ABHD4: variants seen among roughly 807,000 people sequenced by gnomAD.
ABHD4 encodes abhydrolase domain containing 4, N-acyl phospholipase B.
ABHD4 carries 35 observed loss-of-function variants against 42.3 expected under a neutral mutation model. The observed-to-expected ratio is 0.83, with a 90% CI of 0.63 to 1.10. The LOEUF is 1.10. Among genes scored for constraint, ABHD4 ranks in the 50% least tolerant of loss-of-function variants. The pLI is 0.00. For synonymous variants in ABHD4, 169 were observed against 170.6 expected, an observed-to-expected ratio of 0.99 and a Z score of 0.07; for missense variants, 389 against 454.8, an observed-to-expected ratio of 0.86 and a Z score of 1.32.
intron 1 of ABHD4, among the ~76,000 whole-genome samples, chr14:22,601,070 A>G (rs938596873): frequency 2.6e-5 from 4 of 152,210 alleles, no homozygotes; most frequent in Non-Finnish European, 5.9e-5. Context: ...GAACCATAAC[A>G]GAACTTGAAT....
In ABHD4 at chr14:22,604,062, G is replaced by C. The variant is rs368142560; in HGVS notation, c.623G>C (p.Arg208Pro). Residue 208 changes from arginine (R) to proline (P), a missense_variant, in exon 4 of 7, where the codon CGA becomes CCA. Arg to Pro is a moderately radical substitution (Grantham distance 103). This residue lies in a region of ABHD4 where 249 missense variants were observed against 254.4 expected (regional missense o/e 0.98). Transcript: ENST00000428304. ...CGTTCCAATCCATTGGCTGTTCTTC[G>C]AGTAGCTGGGCCCTGGGGTGAGTAG... ...LGRSNPLAVL[R>P]VAGPWGPGLV... 1.7e-5 allele frequency: 27 copies of C among 1,614,166 alleles called. No individual in the cohort carries two copies. The highest frequency in any genetic ancestry group is 2.3e-5 in the Non-Finnish European group (27 of 1,180,030).
intron 2 of ABHD4, 57 bp downstream of exon 2, chr14:22,601,812 G>A: frequency 2.0e-6 from 3 of 1,488,360 alleles, no homozygotes; most frequent in Non-Finnish European, 2.8e-6. Flanking sequence ...AAGGATTCAG[G>A]ATCTTCCCAG....
intron 1 of ABHD4, 151 bp downstream of exon 1, chr14:22,598,480 T>G: frequency 6.5e-7 from 1 of 1,531,526 alleles, no homozygotes; most frequent in Non-Finnish European, 8.8e-7. Flanking sequence ...GGTGCGTTGC[T>G]TGCTTTGCAT....
rs761505019 is a variant in ABHD4 at position 22,603,968 on chromosome 14, C to T, written c.529C>T (p.Arg177Ter). 3.3e-5 allele frequency: 54 copies of T among 1,614,102 alleles called. No individual in the cohort carries two copies. Among genetic ancestry groups the T allele is most frequent in the East Asian group, 1.6e-4 (7 of 44,880 alleles). Reference sequence around the variant, plus strand: ...GGTGGACCCATGGGGCTTTCCCCTCCGACCAACTAACCCCAGTGAGATCCG... The same window carrying T: ...GGTGGACCCATGGGGCTTTCCCCTCTGACCAACTAACCCCAGTGAGATCCG... ...ILVDPWGFPL[R>*]PTNPSEIRAP... Residue 177 changes from arginine to a stop codon, truncating the protein, a stop_gained, in exon 4 of 7, where the codon CGA (arginine) becomes TGA (stop). Coordinates refer to ENST00000428304, the MANE Select transcript of ABHD4 (RefSeq NM_022060.3). LOFTEE classifies it high-confidence loss of function.
chr14:22,600,058 T>C (rs1447701660), intron 1 of ABHD4: 2 of 365,764 alleles, frequency 5.5e-6, no homozygotes, highest in East Asian at 8.2e-5. Flanking sequence ...CTAGGCAATA[T>C]TCTATGTGCT....
intron 2 of ABHD4, 97 bp from the exon 3 acceptor site, chr14:22,603,293 C>A: frequency 6.7e-7 from 1 of 1,488,394 alleles, no homozygotes; most frequent in African/African-American, 1.4e-5. Flanking sequence ...GGGGAGGGTT[C>A]GGGAATGGAG....
intron 4 of ABHD4, 61 bp downstream of exon 4, chr14:22,604,140 T>A (rs914885556): frequency 6.4e-7 from 1 of 1,567,246 alleles, no homozygotes; most frequent in African/African-American, 1.4e-5. Flanking sequence ...GCCCACAGTG[T>A]CTTTCCCACT....
rs745748171 is a variant in ABHD4, at chr14:22,606,495, A to G, written c.714A>G (p.Ile238Met). The G allele has an allele frequency of 6.2e-7, 1 of 1,613,498 alleles. No homozygotes were observed. Residue 238 changes from isoleucine to methionine, a missense_variant, in exon 5 of 7, where the codon ATA becomes ATG. By Grantham distance (10) the Ile-to-Met change is conservative (BLOSUM62 1). Coordinates refer to ENST00000428304, the MANE Select transcript of ABHD4 (RefSeq NM_022060.3). ...KFADFFEDDT[I>M]SEYIYHCNAQ... ...CAGACTTCTTTGAAGATGATACCAT[A>G]TCAGAGTATATTTACCACTGCAACG... is the stretch of plus-strand genomic sequence containing the variant.
At position 22,612,767 on chromosome 14, in the gene ABHD4, C is replaced by T. The variant is rs557262798; in HGVS notation, c.*1819C>T. The T allele has an allele frequency of 6.6e-6, 1 of 152,344 alleles. No homozygotes were observed. Among genetic ancestry groups the T allele is most frequent in the African/African-American group, 2.4e-5 (1 of 41,582 alleles). 9.4% of individuals were successfully genotyped at this position (152,344 alleles called of 1,614,324 possible). A position where few individuals can be genotyped will look rare whatever the true frequency, so the allele number is the denominator to read the frequency against. ...ATATTCCTTATGCAGAGATGCCTTC[C>T]CCTGATTCCCTAAACTAGACTCGGA... is the stretch of plus-strand genomic sequence containing the variant. On this transcript the variant is annotated 3_prime_UTR_variant, in exon 7 of 7. Coordinates refer to ENST00000428304, the MANE Select transcript of ABHD4 (RefSeq NM_022060.3).
At position 22,603,479 on chromosome 14, in the gene ABHD4, C is replaced by A; in HGVS notation, c.202C>A (p.Arg68Ser). The change falls in exon 3 of 7, where the codon CGC becomes AGC. Residue 68 changes from arginine to serine, a missense_variant. This residue lies in a region of ABHD4 where 102 missense variants were observed against 128.3 expected (regional missense o/e 0.80). Coordinates refer to ENST00000428304, the MANE Select transcript of ABHD4 (RefSeq NM_022060.3). ...TVTVSPEQNDRTPLVMVHGFG... is the reference protein window; with the variant it reads ...TVTVSPEQNDSTPLVMVHGFG... ...GACTGTGAGCCCCGAGCAAAACGACCGCACCCCCTTGGTGATGGTGCATGG... is the reference window on the plus strand; with the variant it reads ...GACTGTGAGCCCCGAGCAAAACGACAGCACCCCCTTGGTGATGGTGCATGG... The A allele has an allele frequency of 1.2e-6, 2 of 1,614,124 alleles. No homozygotes were observed. Among genetic ancestry groups the A allele is most frequent in the Non-Finnish European group, 1.7e-6 (2 of 1,180,018 alleles).
At chr14:22,610,741 T>C in intron 6 of ABHD4, 118 bp from the exon 7 acceptor site, 1 of 752,538 alleles carries the variant, frequency 1.3e-6, no homozygotes, top group Non-Finnish European at 2.3e-6. Flanking sequence ...GAGCATTATC[T>C]CTGATAAGAG....
chr14:22,610,020 A>G (rs933396977), intron 6 of ABHD4, 110 bp downstream of exon 6: 1 of 1,008,662 alleles, frequency 9.9e-7, no homozygotes, highest in Non-Finnish European at 1.4e-6. Flanking sequence ...AGACTGAGAT[A>G]GAGCAGTAGA....
chr14:22,602,690 C>G (rs2037299516), intron 2 of ABHD4, among the ~76,000 whole-genome samples: 1 of 152,196 alleles, frequency 6.6e-6, no homozygotes, highest in African/African-American at 2.4e-5. Context: ...CTAAAGGGAG[C>G]TGGGCACGCT....
chr14:22,605,877 C>T, intron 4 of ABHD4: 1 of 1,266,286 alleles, frequency 7.9e-7, no homozygotes, highest in Non-Finnish European at 1.0e-6. Flanking sequence ...GTATGTATAC[C>T]ATAATGAGGT....
chr14:22,605,855 CTGT>C, intron 4 of ABHD4: 1 of 1,286,560 alleles, frequency 7.8e-7, no homozygotes, highest in Non-Finnish European at 1.0e-6. Context: ...TTTTTACAGT[CTGT>C]TGTTGCATGT....
chr14:22,609,079 C>A (rs1019473660), intron 5 of ABHD4, among the ~76,000 whole-genome samples: 1 of 151,974 alleles, frequency 6.6e-6, no homozygotes, highest in Non-Finnish European at 1.5e-5. Flanking sequence ...CTCACTGCAA[C>A]CTCTGTCTCC....
rs2037408235 is a variant in ABHD4 at position 22,610,924 on chromosome 14, G to A, written c.1005G>A (p.Glu335=). The part of the protein sequence containing the change: ...DQPHIFNAVV[E]EICDSVD ...CACACATCTTCAATGCTGTGGTGGA[G>A]GAGATCTGCGACTCAGTTGATTGAG... Residue 335 remains glutamate, a synonymous_variant, in exon 7 of 7, where the codon GAG becomes GAA. Coordinates refer to ENST00000428304, the MANE Select transcript of ABHD4 (RefSeq NM_022060.3). 6.8e-6 allele frequency: 11 copies of A among 1,614,132 alleles called. No homozygotes were observed. The highest frequency in any genetic ancestry group is 9.3e-6 in the Non-Finnish European group (11 of 1,180,036).
Position 22,610,796 on chromosome 14 carries a change from G to A in ABHD4, c.940-63G>A, listed in dbSNP as rs960785847. ...CAAGTCTAAGGGGAAAAGAAATAGC[G>A]TGAAGGCTTCCCAGCACCAGGAATA... On this transcript the variant is annotated intron_variant, in intron 6 of 6. Coordinates refer to ENST00000428304, the MANE Select transcript of ABHD4 (RefSeq NM_022060.3). 5.2e-5 allele frequency: 70 copies of A among 1,357,602 alleles called. No homozygotes were observed. The East Asian group carries it at 7.6e-4, about 15-fold the overall frequency. 84.1% of individuals were successfully genotyped at this position (1,357,602 alleles called of 1,614,324 possible). A position where few individuals can be genotyped will look rare whatever the true frequency, so the allele number is the denominator to read the frequency against.
At chr14:22,603,899 T>C in intron 3 of ABHD4, 26 bp from the exon 4 acceptor site, 1 of 1,612,524 alleles carries the variant, frequency 6.2e-7, no homozygotes. Context: ...ATAATGTGTC[T>C]TCTCCTCTTT....
Sources: allele counts gnomAD v4.1 joint callset (sites outside exome capture counted in the v4.1 genomes callset), GRCh38; gene constraint gnomAD v4.1.1; regional missense constraint gnomAD v4.1.1; transcripts MANE v1.5; gene names NCBI Gene and HGNC (gene_info 2026-07-23, HGNC 2026-07-21).